The following PALM2AKAP2 variants were observed in gnomAD, a reference collection of about 807,000 sequenced individuals.
PALM2AKAP2 encodes the protein PALM2 and AKAP2 fusion, also known as PALM2-AKAP2 fusion protein.
PALM2AKAP2 carries 37 observed loss-of-function variants against 71.5 expected under a neutral mutation model. The ratio of observed to expected loss-of-function variants is 0.52; its 90% CI spans 0.40 to 0.68. PALM2AKAP2 has a LOEUF of 0.68. Ranked by LOEUF, PALM2AKAP2 falls within the 30% of genes least tolerant of loss-of-function variation. The pLI is 0.00. For missense variants in PALM2AKAP2, 1,224 were observed against 1,191.8 expected, an observed-to-expected ratio of 1.03 and a Z score of -0.40; for synonymous variants, 468 against 478.8, an observed-to-expected ratio of 0.98 and a Z score of 0.29.
intron 1 of PALM2AKAP2, among the ~76,000 whole-genome samples, chr9:109,757,729 C>G (rs1212227401): frequency 2.0e-5 from 3 of 151,962 alleles, no homozygotes; most frequent in African/African-American, 7.2e-5. Context: ...AGATCAACTT[C>G]ATCATTTACA....
intron 6 of PALM2AKAP2, among the ~76,000 whole-genome samples, chr9:109,982,634 A>AAG (rs908701048): frequency 1.8e-4 from 28 of 152,026 alleles, no homozygotes; most frequent in African/African-American, 5.6e-4. Context: ...AATTTTTTTA[A>AAG]AGAGAGAGAG....
chr9:109,812,124 C>T (rs545261256), intron 1 of PALM2AKAP2, among the ~76,000 whole-genome samples: 18 of 152,208 alleles, frequency 1.2e-4, no homozygotes, highest in Admixed American at 5.2e-4. Context: ...AAACTGCCAA[C>T]AGGGAGAGGG....
chr9:109,699,256 T>A (rs1828017850), intron 1 of PALM2AKAP2, among the ~76,000 whole-genome samples: 1 of 152,246 alleles, frequency 6.6e-6, no homozygotes, highest in Admixed American at 6.5e-5. Flanking sequence ...AGAATGTAGT[T>A]GAAAAGATTC....
chr9:109,921,726 C>T (rs1364708663), intron 3 of PALM2AKAP2, among the ~76,000 whole-genome samples: 1 of 152,106 alleles, frequency 6.6e-6, no homozygotes, highest in East Asian at 1.9e-4. Context: ...ATAAGAGTGG[C>T]TCTATTTGAC....
upstream of PALM2AKAP2, among the ~76,000 whole-genome samples, chr9:110,043,714 G>GT (rs71492869): frequency 0.023 from 2,228 of 98,278 alleles, 49 homozygotes; most frequent in East Asian, 0.046. Context: ...GTTTTTTTTG[G>GT]TGTTTTTTTT....
At chr9:109,991,446 C>G (rs1346225841) in intron 6 of PALM2AKAP2, among the ~76,000 whole-genome samples, 1 of 151,972 alleles carries the variant, frequency 6.6e-6, no homozygotes, top group Non-Finnish European at 1.5e-5. Flanking sequence ...CCTGTGTTGC[C>G]TAGGCTGGTC....
chr9:110,051,132 G>A (rs1833702612), intron 1 of PALM2AKAP2, among the ~76,000 whole-genome samples: 1 of 152,180 alleles, frequency 6.6e-6, no homozygotes, highest in African/African-American at 2.4e-5. Flanking sequence ...AGGATGAGAG[G>A]AATAGCTGGG....
chr9:110,035,144 GC>G (rs1376592140), intron 7 of PALM2AKAP2, among the ~76,000 whole-genome samples: 1 of 148,206 alleles, frequency 6.7e-6, no homozygotes, highest in African/African-American at 2.5e-5. Context: ...TTTTTTTTCT[GC>G]CTAAAATTTA....
At chr9:109,955,352 T>TAATGATGA (rs1433650251) in intron 6 of PALM2AKAP2, among the ~76,000 whole-genome samples, 2 of 152,204 alleles carry the variant, frequency 1.3e-5, no homozygotes, top group Non-Finnish European at 2.9e-5. Flanking sequence ...GTGACTTATA[T>TAATGATGA]AATGATGAAT....
chr9:110,065,631 C>T lies in PALM2AKAP2; in HGVS notation c.156+16776C>T, dbSNP rs539310210. ...AAGTACATTCACATTATTGTGCAAC[C>T]GTCCCCACCATCCATTCACAGAACT... On this transcript the variant is annotated intron_variant, in intron 1 of 3. Transcript: ENST00000374525. 4.1e-4 allele frequency among the ~76,000 whole-genome samples: 62 copies of T among 152,252 alleles called. No homozygotes were observed. In the South Asian group the frequency reaches 0.011, roughly 27 times the overall value.
chr9:109,994,113 G>C (rs755226748), intron 6 of PALM2AKAP2, among the ~76,000 whole-genome samples: 5 of 152,208 alleles, frequency 3.3e-5, no homozygotes, highest in Non-Finnish European at 7.3e-5. Context: ...AGCAGCTAAG[G>C]GGAGGGAGGA....
intron 3 of PALM2AKAP2, among the ~76,000 whole-genome samples, chr9:109,893,132 A>G (rs532216149): frequency 4.6e-5 from 7 of 152,144 alleles, no homozygotes; most frequent in African/African-American, 1.4e-4. Flanking sequence ...GGAGGCTAGG[A>G]GTGCAGCACT....
At chr9:109,848,281 G>A (rs987399955) in intron 1 of PALM2AKAP2, among the ~76,000 whole-genome samples, 1 of 152,216 alleles carries the variant, frequency 6.6e-6, no homozygotes, top group Non-Finnish European at 1.5e-5. Flanking sequence ...CTTGCTCAAG[G>A]TCATCAGCAC....
intron 1 of PALM2AKAP2, among the ~76,000 whole-genome samples, chr9:109,644,409 T>G (rs1434905738): frequency 1.3e-5 from 2 of 152,162 alleles, no homozygotes; most frequent in Non-Finnish European, 2.9e-5. Flanking sequence ...TTATAAACAT[T>G]TATTAAAAGA....
chr9:110,119,331 G>A (rs1237278386), intron 1 of PALM2AKAP2, among the ~76,000 whole-genome samples: 1 of 120,804 alleles, frequency 8.3e-6, no homozygotes, highest in Non-Finnish European at 1.6e-5. Context: ...GACAGAGCGA[G>A]ACTCCATCTC....
chr9:109,890,293 C>G (rs1396218611), intron 3 of PALM2AKAP2, among the ~76,000 whole-genome samples: 1 of 152,206 alleles, frequency 6.6e-6, no homozygotes, highest in Non-Finnish European at 1.5e-5. Context: ...CGTGTTTCCC[C>G]TTTTCACTGT....
chr9:109,814,581 G>A (rs1827805997), intron 1 of PALM2AKAP2, among the ~76,000 whole-genome samples: 1 of 152,168 alleles, frequency 6.6e-6, no homozygotes, highest in Admixed American at 6.5e-5. Context: ...GTGTGCTAGG[G>A]ATTCAAGGAC....
At chr9:110,133,866 G>T (rs75370999) in intron 1 of PALM2AKAP2, among the ~76,000 whole-genome samples, 1 of 152,260 alleles carries the variant, frequency 6.6e-6, no homozygotes, top group East Asian at 1.9e-4. Flanking sequence ...GCTAATTTTG[G>T]CCTAGGTTTA....
chr9:110,020,516 C>G (rs893232671), intron 7 of PALM2AKAP2, among the ~76,000 whole-genome samples: 5 of 151,882 alleles, frequency 3.3e-5, no homozygotes, highest in African/African-American at 1.2e-4. Flanking sequence ...AACCCCATCT[C>G]TACTAAAAAT....
Sources: gnomAD v4.1 joint callset for allele counts (sites outside exome capture counted in the v4.1 genomes callset) on GRCh38, gnomAD v4.1.1 for gene constraint, MANE v1.5 for transcripts, NCBI Gene and HGNC (gene_info 2026-07-23, HGNC 2026-07-21) for gene names.